Variants in ADAMTS9 observed in about 807,000 individuals in gnomAD.
The protein encoded by ADAMTS9 is A disintegrin and metalloproteinase with thrombospondin motifs 9.
In ADAMTS9, 107 loss-of-function variants were observed where a neutral mutation model predicts 257.1. The ratio of observed to expected loss-of-function variants is 0.42; its 90% confidence interval spans 0.36 to 0.49. The LOEUF is 0.49. ADAMTS9 is among the 20% of genes least tolerant of loss of function. The probability of loss-of-function intolerance (pLI) is 0.03; values close to 1 mark genes in which losing one functional copy is unlikely to be tolerated. For synonymous variants in ADAMTS9, 982 were observed against 880.9 expected (o/e 1.11, Z -2.03); for missense variants, 2,353 against 2,469.1 (o/e 0.95, Z 1.00).
intron 39 of ADAMTS9, chr3:64,521,376 C>T (rs1289069995): frequency 6.6e-6 from 1 of 152,136 alleles, no homozygotes; most frequent in Non-Finnish European, 1.5e-5. Flanking sequence ...TTGTGAAAAG[C>T]AGTTTGGAGA....
At chr3:64,593,805 G>A (rs144627369) in intron 28 of ADAMTS9, among the ~76,000 whole-genome samples, 31 of 152,274 alleles carry the variant, frequency 2.0e-4, no homozygotes, top group Non-Finnish European at 4.0e-4. Flanking sequence ...CTGTACCCGA[G>A]TCACACAGGC....
Position 64,550,940 on chromosome 3 carries a change from A to G in ADAMTS9, c.4821T>C (p.Cys1607=). ...VSKRPVDRES[C]SLQPCEYVWI... ...AGACATACTCGCAGGGTTGCAAACT[A>G]CAGCTTTCACGGTCCACCGGCCGCT... is the stretch of plus-strand genomic sequence containing the variant. The change falls in exon 31 of 40, where the codon TGT becomes TGC. Residue 1607 remains cysteine, a synonymous_variant. Coordinates refer to ENST00000498707, the MANE Select transcript of ADAMTS9 (RefSeq NM_182920.2). 4 of 1,614,168 alleles carry G rather than the reference A, an allele frequency of 2.5e-6. No individual in the cohort carries two copies. The highest frequency in any genetic ancestry group is 3.4e-6 in the Non-Finnish European group (4 of 1,180,032).
chr3:64,659,519 G>A (rs1701174103), intron 3 of ADAMTS9, among the ~76,000 whole-genome samples: 1 of 150,836 alleles, frequency 6.6e-6, no homozygotes, highest in Non-Finnish European at 1.5e-5. Flanking sequence ...TATCACTCCT[G>A]CTATTCAATG....
At chr3:64,638,680 T>C (rs142966867) in intron 12 of ADAMTS9, among the ~76,000 whole-genome samples, 1 of 152,296 alleles carries the variant, frequency 6.6e-6, no homozygotes, top group Admixed American at 6.5e-5. Flanking sequence ...CCAAAATATC[T>C]TGTGACCAAA....
chr3:64,652,197 A>G (rs1700948249), intron 8 of ADAMTS9, among the ~76,000 whole-genome samples: 2 of 152,194 alleles, frequency 1.3e-5, no homozygotes, highest in Non-Finnish European at 2.9e-5. Context: ...GAAATAAGTG[A>G]GTCAGACAGA....
At chr3:64,612,579 G>T (rs2084686146) in intron 22 of ADAMTS9, among the ~76,000 whole-genome samples, 1 of 152,176 alleles carries the variant, frequency 6.6e-6, no homozygotes, top group Admixed American at 6.6e-5. Flanking sequence ...AGACTGAGTG[G>T]CTGTGGCTGG....
At chr3:64,533,092 C>T in intron 38 of ADAMTS9, 74 bp downstream of exon 38, 2 of 1,377,274 alleles carry the variant, frequency 1.5e-6, no homozygotes, top group Non-Finnish European at 2.0e-6. Flanking sequence ...TTCAGCACCA[C>T]TACCACAGTA....
chr3:64,639,980 T>G (rs1262959533), intron 12 of ADAMTS9, among the ~76,000 whole-genome samples: 1 of 152,216 alleles, frequency 6.6e-6, no homozygotes, highest in Non-Finnish European at 1.5e-5. Context: ...AGGCAGGAAG[T>G]AGGAATAGTG....
In ADAMTS9 at chr3:64,653,274, G is replaced by C. The variant is rs116920540; in HGVS notation, c.1316+1079C>G. ...CCTTGAGTTTCACAAAAGTGCCTCA[G>C]AAACCACGAGGATAGAGACGATGCT... is the stretch of plus-strand genomic sequence containing the variant. On this transcript the variant is annotated intron_variant, in intron 8 of 39. Transcript: ENST00000498707. Among the ~76,000 whole-genome samples, 418 of 152,314 alleles carry C rather than the reference G, an allele frequency of 2.7e-3. 8 individuals carry two copies. The East Asian group carries it at 0.046, about 17-fold the overall frequency.
chr3:64,638,000 AT>A (rs560614864), intron 12 of ADAMTS9, among the ~76,000 whole-genome samples: 8 of 152,304 alleles, frequency 5.3e-5, no homozygotes, highest in Admixed American at 1.3e-4. Context: ...TGAGAAATTC[AT>A]TTTTTTGGAT....
chr3:64,636,054 C>A (rs1429697460), intron 12 of ADAMTS9, among the ~76,000 whole-genome samples: 3 of 149,202 alleles, frequency 2.0e-5, no homozygotes, highest in Non-Finnish European at 1.5e-5. Context: ...ACTCATACTT[C>A]TTTCCCTTTG....
intron 11 of ADAMTS9, among the ~76,000 whole-genome samples, chr3:64,646,177 C>T (rs1700781795): frequency 6.6e-6 from 1 of 152,166 alleles, no homozygotes; most frequent in Admixed American, 6.5e-5. Flanking sequence ...TCACTGAGAT[C>T]AAACAGATTC....
At chr3:64,520,860 G>A (rs2082843289) in intron 39 of ADAMTS9, among the ~76,000 whole-genome samples, 1 of 151,952 alleles carries the variant, frequency 6.6e-6, no homozygotes, top group Admixed American at 6.6e-5. Flanking sequence ...GAAAACCCAG[G>A]AAATACTCTT....
At chr3:64,651,243 T>G (rs1700924690) in intron 8 of ADAMTS9, 80 bp from the exon 9 acceptor site, 1 of 1,290,426 alleles carries the variant, frequency 7.7e-7, no homozygotes, top group East Asian at 2.7e-5. Context: ...GGAATGCAAC[T>G]ATCTAAGAGA....
rs572662608 is a variant in ADAMTS9, at chr3:64,560,879, C to G, written c.4698+699G>C. Among the ~76,000 whole-genome samples, 51 of 152,222 alleles carry G rather than the reference C, an allele frequency of 3.4e-4. No homozygotes were observed. In the East Asian group the frequency reaches 8.9e-3, roughly 27 times the overall value. On this transcript the variant is annotated intron_variant, in intron 30 of 39. Coordinates refer to ENST00000498707, the MANE Select transcript of ADAMTS9 (RefSeq NM_182920.2). ...GTTTTGCTTTCTAATTCTTTCCCCC[C>G]CTTTTCTACAGTTTAATCTTCTGTT...
Position 64,561,591 on chromosome 3 carries a change from T to A in ADAMTS9, c.4685A>T (p.Glu1562Val). The change falls in exon 30 of 40, where the codon GAG (glutamate) becomes GTG (valine). Residue 1562 changes from glutamate to valine, a missense_variant. Transcript: ENST00000498707. ...GGCTCTACTTACTTCTTGCCATTCC[T>A]CTGCCCTCCAAGTGTAGAGGGGACA... ...PRCPLYTWRAEEWQECTKTCG... is the reference protein window; with the variant it reads ...PRCPLYTWRAVEWQECTKTCG... 1 of 1,613,500 alleles carries A rather than the reference T, an allele frequency of 6.2e-7. No homozygotes were observed. Among genetic ancestry groups the A allele is most frequent in the South Asian group, 1.1e-5 (1 of 90,974 alleles).
At chr3:64,517,798 G>A (rs1202195728) in intron 39 of ADAMTS9, among the ~76,000 whole-genome samples, 3 of 151,940 alleles carry the variant, frequency 2.0e-5, no homozygotes, top group East Asian at 3.9e-4. Context: ...AATATATAAA[G>A]TACGTATATA....
chr3:64,598,178 C>CT lies in ADAMTS9; in HGVS notation c.4018-1188dup, dbSNP rs1559784558. On this transcript the variant is annotated intron_variant, in intron 26 of 39. Coordinates refer to ENST00000498707, the MANE Select transcript of ADAMTS9 (RefSeq NM_182920.2). ...ACACTTTCATTTTATATTGGGTTTA[C>CT]TTTTTTAATGTAGAGCTGGATAATA... Among the ~76,000 whole-genome samples the CT allele has an allele frequency of 2.6e-5, 4 of 152,102 alleles. No individual in the cohort carries two copies. In the South Asian group the frequency reaches 8.3e-4, roughly 32 times the overall value.
intron 32 of ADAMTS9, among the ~76,000 whole-genome samples, chr3:64,544,010 C>T (rs2083163596): frequency 6.6e-6 from 1 of 152,182 alleles, no homozygotes. Context: ...AATTCCCATT[C>T]ACAATTGCTT....
Sources: gnomAD v4.1 joint callset for allele counts (sites outside exome capture counted in the v4.1 genomes callset) on GRCh38, gnomAD v4.1.1 for gene constraint, MANE v1.5 for transcripts, NCBI Gene and HGNC (gene_info 2026-07-23, HGNC 2026-07-21) for gene names.